Variants in FBN1 observed in about 807,000 individuals in gnomAD.
FBN1 encodes fibrillin 1.
In FBN1, 29 loss-of-function variants were observed where a neutral mutation model predicts 365.1. The ratio of observed to expected loss-of-function variants is 0.08; its 90% CI spans 0.06 to 0.11. The LOEUF is 0.11. Ranked by LOEUF, FBN1 falls within the 10% of genes least tolerant of loss-of-function variation. The pLI is 1.00. For synonymous variants in FBN1, 1,210 were observed against 1,270.5 expected (o/e 0.95, Z 1.01); for missense variants, 2,476 against 3,703.2 (o/e 0.67, Z 8.60).
In FBN1 at chr15:48,408,910, T is replaced by A. The variant is rs1021598518; in HGVS notation, c.*2080A>T. ...TAAATTATCAAAGACATTTTCCATA[T>A]GCAAACTGTTGTTTACCATATGCTA... On this transcript the variant is annotated 3_prime_UTR_variant, in exon 66 of 66. Coordinates refer to ENST00000316623, the MANE Select transcript of FBN1 (RefSeq NM_000138.5). The A allele has an allele frequency of 6.6e-6, 1 of 152,336 alleles. No individual in the cohort carries two copies. The highest frequency in any genetic ancestry group is 2.4e-5 in the African/African-American group (1 of 41,472). The allele number at this position is 152,336 out of a possible 1,614,324, so 9.4% of individuals were successfully genotyped here.
chr15:48,552,687 A>G (rs1398422998), intron 6 of FBN1, among the ~76,000 whole-genome samples: 1 of 152,166 alleles, frequency 6.6e-6, no homozygotes. Context: ...GTTTTGCATC[A>G]TTTGCATCCA....
chr15:48,421,239 T>C (rs753443302), intron 62 of FBN1, among the ~76,000 whole-genome samples: 4 of 152,226 alleles, frequency 2.6e-5, no homozygotes, highest in Admixed American at 2.0e-4. Flanking sequence ...TTTATGGCTC[T>C]GGACCCAGTG....
At chr15:48,440,215 A>G (rs980415036) in intron 50 of FBN1, among the ~76,000 whole-genome samples, 7 of 152,200 alleles carry the variant, frequency 4.6e-5, no homozygotes, top group African/African-American at 1.7e-4. Flanking sequence ...TCGAAATTTC[A>G]TCAGAACTAC....
chr15:48,409,082 C>T lies in FBN1; in HGVS notation c.*1908G>A, dbSNP rs1276603327. ...GCCATTCAGCTCATTCTGTTGAGCACCTATTATAAACAAAATTAGAGATAC... is the reference window on the plus strand; with the variant it reads ...GCCATTCAGCTCATTCTGTTGAGCATCTATTATAAACAAAATTAGAGATAC... On this transcript the variant is annotated 3_prime_UTR_variant, in exon 66 of 66. Transcript: ENST00000316623. The T allele has an allele frequency of 6.6e-6, 1 of 152,170 alleles. No homozygotes were observed. Among genetic ancestry groups the T allele is most frequent in the Non-Finnish European group, 1.5e-5 (1 of 68,042 alleles). 9.4% of individuals were successfully genotyped at this position (152,170 alleles called of 1,614,324 possible).
At chr15:48,644,543 C>A in intron 2 of FBN1, 63 bp downstream of exon 2, 5 of 1,607,856 alleles carry the variant, frequency 3.1e-6, no homozygotes, top group South Asian at 2.2e-5. Context: ...AGTCATCCTG[C>A]CCGTTGTTCT....
chr15:48,616,025 G>A (rs1035206285), intron 2 of FBN1, among the ~76,000 whole-genome samples: 6 of 152,142 alleles, frequency 3.9e-5, no homozygotes, highest in African/African-American at 1.2e-4. Context: ...TATTTCCATC[G>A]TCTTTCACTT....
chr15:48,435,687 T>C (rs1223849924), intron 53 of FBN1, among the ~76,000 whole-genome samples: 13 of 150,378 alleles, frequency 8.6e-5, no homozygotes, highest in Admixed American at 8.6e-4. Flanking sequence ...TGTGTGTGTG[T>C]GTGCATGTGT....
intron 6 of FBN1, among the ~76,000 whole-genome samples, chr15:48,567,880 T>A (rs2044268964): frequency 6.6e-6 from 1 of 151,996 alleles, no homozygotes; most frequent in Non-Finnish European, 1.5e-5. Flanking sequence ...TAACAAATGC[T>A]TTCTTTCTAA....
intron 32 of FBN1, among the ~76,000 whole-genome samples, chr15:48,476,931 C>A (rs1241143501): frequency 6.6e-6 from 1 of 151,898 alleles, no homozygotes; most frequent in African/African-American, 2.4e-5. Flanking sequence ...CCCAGCTGAG[C>A]GCATTTCTTT....
intron 38 of FBN1, among the ~76,000 whole-genome samples, chr15:48,467,488 C>T (rs1597548325): frequency 1.3e-5 from 2 of 152,192 alleles, no homozygotes; most frequent in Non-Finnish European, 2.9e-5. Flanking sequence ...CAATCATATG[C>T]TAAAGCCTTC....
In FBN1 at chr15:48,494,830, A is replaced by G. The variant is rs569819723; in HGVS notation, c.2677+293T>C. ...TTTTTGAAAGATAATCTGTACCTAT[A>G]AAAAGCTCAGAACCCCTAACCACAA... is the stretch of plus-strand genomic sequence containing the variant. On this transcript the variant is annotated intron_variant, in intron 22 of 65. Coordinates refer to ENST00000316623, the MANE Select transcript of FBN1 (RefSeq NM_000138.5). 8.5e-5 allele frequency among the ~76,000 whole-genome samples: 13 copies of G among 152,324 alleles called. No individual in the cohort carries two copies. The South Asian group carries it at 1.2e-3, about 15-fold the overall frequency.
At chr15:48,601,218 C>T (rs1204315339) in intron 4 of FBN1, among the ~76,000 whole-genome samples, 3 of 152,200 alleles carry the variant, frequency 2.0e-5, no homozygotes, top group Non-Finnish European at 4.4e-5. Flanking sequence ...AAAAGACAGC[C>T]ACGGGCTCAT....
rs1223650413 is a variant in FBN1, at chr15:48,634,850, A to AAC, written c.164+9755_164+9756insGT. On this transcript the variant is annotated intron_variant, in intron 2 of 65. Transcript: ENST00000316623. ...AAGAAGAAGAAACCAAAAAAAAAAAAAAAAAACCACACACACACACACACA... is the reference window on the plus strand; with the variant it reads ...AAGAAGAAGAAACCAAAAAAAAAAAAACAAAAAACCACACACACACACACACA... Among the ~76,000 whole-genome samples the AAC allele has an allele frequency of 7.8e-4, 94 of 120,632 alleles. 2 individuals carry two copies. Among genetic ancestry groups the AAC allele is most frequent in the African/African-American group, 3.7e-3 (89 of 24,008 alleles). The allele number at this position is 120,632 out of a possible 152,430, so 79.1% of individuals were successfully genotyped here.
intron 2 of FBN1, among the ~76,000 whole-genome samples, chr15:48,623,948 TACAC>T (rs1566940541): frequency 1.5e-5 from 2 of 130,404 alleles, no homozygotes; most frequent in Non-Finnish European, 3.3e-5. Flanking sequence ...CTCTCTCACA[TACAC>T]ACACACAAAG....
At position 48,638,501 on chromosome 15, in the gene FBN1, C is replaced by T. The variant is rs576852551; in HGVS notation, c.164+6105G>A. Among the ~76,000 whole-genome samples the T allele has an allele frequency of 5.9e-5, 9 of 152,252 alleles. No individual in the cohort carries two copies. The South Asian group carries it at 1.9e-3, about 32-fold the overall frequency. The stretch of plus-strand genomic sequence containing the variant: ...CCCTGGAGTAATTACTGAAACTCTG[C>T]ATCCCTTGTTTCTTCATTTGTTAAA... On this transcript the variant is annotated intron_variant, in intron 2 of 65. Coordinates refer to ENST00000316623, the MANE Select transcript of FBN1 (RefSeq NM_000138.5).
At chr15:48,574,198 T>C (rs1209871337) in intron 6 of FBN1, among the ~76,000 whole-genome samples, 1 of 152,130 alleles carries the variant, frequency 6.6e-6, no homozygotes, top group Non-Finnish European at 1.5e-5. Flanking sequence ...GTGTACAACC[T>C]AGATGGGGAG....
At chr15:48,610,368 G>T (rs935883731) in intron 4 of FBN1, among the ~76,000 whole-genome samples, 5 of 152,178 alleles carry the variant, frequency 3.3e-5, no homozygotes, top group Non-Finnish European at 7.3e-5. Context: ...CCACAAGGAA[G>T]CATGCCTAGA....
chr15:48,534,763 C>T (rs552253951), intron 7 of FBN1, among the ~76,000 whole-genome samples: 1 of 152,268 alleles, frequency 6.6e-6, no homozygotes, highest in East Asian at 1.9e-4. Flanking sequence ...TGGAGAAGTG[C>T]CTTGCACAGT....
chr15:48,593,004 C>G (rs2044490265), intron 6 of FBN1, among the ~76,000 whole-genome samples: 1 of 152,124 alleles, frequency 6.6e-6, no homozygotes, highest in South Asian at 2.1e-4. Flanking sequence ...GGCTGGCCAG[C>G]CAAGAATGTT....
Sources: allele counts gnomAD v4.1 joint callset (sites outside exome capture counted in the v4.1 genomes callset), GRCh38; gene constraint gnomAD v4.1.1; transcripts MANE v1.5; gene names NCBI Gene and HGNC (gene_info 2026-07-23, HGNC 2026-07-21).